PRKN: variants seen among roughly 807,000 people sequenced by gnomAD.
PRKN encodes the protein E3 ubiquitin-protein ligase parkin.
Under a neutral mutation model 59.5 loss-of-function variants are expected in PRKN, and 56 were observed. The ratio of observed to expected loss-of-function variants is 0.94; its 90% confidence interval spans 0.76 to 1.18. PRKN has a LOEUF of 1.18. Among genes scored for constraint, PRKN ranks in the 50% most tolerant of loss-of-function variants. The probability of loss-of-function intolerance (pLI) is 0.00; values close to 1 mark genes in which losing one functional copy is unlikely to be tolerated. For missense variants in PRKN, 657 were observed against 596.4 expected, an observed-to-expected ratio of 1.10 and a Z score of -1.06; for synonymous variants, 250 against 222.1, an observed-to-expected ratio of 1.13 and a Z score of -1.12.
intron 2 of PRKN, among the ~76,000 whole-genome samples, chr6:162,313,344 C>T (rs1422309175): frequency 6.6e-6 from 1 of 152,118 alleles, no homozygotes; most frequent in Non-Finnish European, 1.5e-5. Context: ...CTAGGTAGTT[C>T]ACAGAGTATT....
intron 2 of PRKN, among the ~76,000 whole-genome samples, chr6:162,442,154 A>T (rs1302740636): frequency 6.6e-6 from 1 of 152,210 alleles, no homozygotes; most frequent in African/African-American, 2.4e-5. Context: ...TGACAGGAAC[A>T]ATTTGCATTT....
intron 9 of PRKN, among the ~76,000 whole-genome samples, chr6:161,506,402 C>T (rs1457299292): frequency 6.6e-6 from 1 of 152,108 alleles, no homozygotes; most frequent in African/African-American, 2.4e-5. Context: ...GCTGAAGTTG[C>T]TTATCAGCTT....
chr6:161,634,042 C>T (rs1242417570), intron 7 of PRKN, among the ~76,000 whole-genome samples: 1 of 129,582 alleles, frequency 7.7e-6, no homozygotes, highest in Non-Finnish European at 1.6e-5. Flanking sequence ...ACACACATCC[C>T]CCACCCCCTA....
intron 2 of PRKN, among the ~76,000 whole-genome samples, chr6:162,355,403 C>CTA: frequency 6.6e-6 from 1 of 151,670 alleles, no homozygotes; most frequent in South Asian, 2.1e-4. Flanking sequence ...ATCTATCTAT[C>CTA]TATCTATATA....
chr6:161,810,354 C>G (rs1402171259), intron 6 of PRKN, among the ~76,000 whole-genome samples: 1 of 152,186 alleles, frequency 6.6e-6, no homozygotes, highest in South Asian at 2.1e-4. Flanking sequence ...GCCACCTGGT[C>G]TGTAGTAGGC....
At chr6:161,899,289 T>C (rs1272802454) in intron 6 of PRKN, among the ~76,000 whole-genome samples, 2 of 152,212 alleles carry the variant, frequency 1.3e-5, no homozygotes, top group African/African-American at 4.8e-5. Context: ...CCGATGAGAA[T>C]TACAAAATGT....
At chr6:162,112,048 G>T (rs1454679351) in intron 4 of PRKN, among the ~76,000 whole-genome samples, 1 of 152,200 alleles carries the variant, frequency 6.6e-6, no homozygotes, top group Non-Finnish European at 1.5e-5. Context: ...TGATTTTTAA[G>T]CCAAATTGTT....
chr6:162,647,972 A>AAAAAAAAAAAAAAAAAAAAAAG (rs1778259050), intron 1 of PRKN, among the ~76,000 whole-genome samples: 1 of 142,978 alleles, frequency 7.0e-6, no homozygotes, highest in African/African-American at 2.5e-5. Flanking sequence ...AAAAAAAAAA[A>AAAAAAAAAAAAAAAAAAAAAAG]AAAAAGTCTA....
chr6:162,245,248 G>T (rs1779150544), intron 3 of PRKN, among the ~76,000 whole-genome samples: 1 of 152,026 alleles, frequency 6.6e-6, no homozygotes, highest in Non-Finnish European at 1.5e-5. Flanking sequence ...GAAATACAAA[G>T]AATTTCTGTC....
Position 162,651,317 on chromosome 6 carries a change from T to C in PRKN, c.7+76345A>G, listed in dbSNP as rs1198515785. ...CTTCATCGATGTTCCCTTTGCATGA[T>C]CACACATACACACGTGCACACCGTA... On this transcript the variant is annotated intron_variant, in intron 1 of 11. Coordinates refer to ENST00000366898, the MANE Select transcript of PRKN (RefSeq NM_004562.3). Among the ~76,000 whole-genome samples, 4 of 152,170 alleles carry C rather than the reference T, an allele frequency of 2.6e-5. 1 individual carries two copies. Among genetic ancestry groups the C allele is most frequent in the South Asian group, 4.1e-4 (2 of 4,826 alleles).
At chr6:162,710,017 C>A (rs1030895209) in intron 1 of PRKN, among the ~76,000 whole-genome samples, 1 of 152,048 alleles carries the variant, frequency 6.6e-6, no homozygotes, top group Non-Finnish European at 1.5e-5. Flanking sequence ...TTCTCCTCCA[C>A]GGGTTGGGGT....
intron 2 of PRKN, among the ~76,000 whole-genome samples, chr6:162,312,427 T>C (rs1388400778): frequency 6.6e-6 from 1 of 152,168 alleles, no homozygotes; most frequent in Non-Finnish European, 1.5e-5. Flanking sequence ...TGTTGCCCCA[T>C]CTGACTTTAC....
In PRKN at chr6:161,462,825, T is replaced by C. The variant is rs1790284658; in HGVS notation, c.1084-75948A>G. Reference sequence around the variant, plus strand: ...AAATTGGCATACTTTAAATAATCCATGATTTTTTTGTTCTAAACTGGCTTA... The same window carrying C: ...AAATTGGCATACTTTAAATAATCCACGATTTTTTTGTTCTAAACTGGCTTA... On this transcript the variant is annotated intron_variant, in intron 9 of 11. Transcript: ENST00000366898. The surrounding 1 kb of genome is among the most constrained non-coding windows in gnomAD (Gnocchi z 4.5). Among the ~76,000 whole-genome samples the C allele has an allele frequency of 2.0e-5, 3 of 152,190 alleles. No homozygotes were observed. In the South Asian group the frequency reaches 6.2e-4, roughly 32 times the overall value.
At chr6:161,820,085 T>C (rs1021225518) in intron 6 of PRKN, among the ~76,000 whole-genome samples, 4 of 152,120 alleles carry the variant, frequency 2.6e-5, no homozygotes, top group African/African-American at 9.7e-5. Flanking sequence ...CCTATCCCAG[T>C]AAATGCTTGA....
intron 1 of PRKN, among the ~76,000 whole-genome samples, chr6:162,672,495 T>C (rs1334786929): frequency 2.6e-5 from 4 of 152,208 alleles, no homozygotes; most frequent in Non-Finnish European, 4.4e-5. Flanking sequence ...TACAATGAAG[T>C]TGATATACTC....
intron 1 of PRKN, among the ~76,000 whole-genome samples, chr6:162,654,933 T>A (rs1778585776): frequency 6.6e-6 from 1 of 152,054 alleles, no homozygotes; most frequent in Admixed American, 6.6e-5. Context: ...CCAAACCATA[T>A]CATTTACTTA....
At chr6:161,515,356 TGA>T (rs1176078049) in intron 9 of PRKN, among the ~76,000 whole-genome samples, 1 of 152,154 alleles carries the variant, frequency 6.6e-6, no homozygotes, top group Non-Finnish European at 1.5e-5. Context: ...GGATTTCTTG[TGA>T]GTTTTTATCC....
chr6:161,573,755 A>AATATATATATATATATAT (rs1225362601), intron 7 of PRKN, among the ~76,000 whole-genome samples: 26 of 30,304 alleles, frequency 8.6e-4, no homozygotes, highest in South Asian at 2.4e-3. Context: ...AAAAAAAAAA[A>AATATATATATATATATAT]ATATATATAT....
intron 1 of PRKN, among the ~76,000 whole-genome samples, chr6:162,556,033 G>A (rs956125386): frequency 2.7e-5 from 4 of 147,496 alleles, no homozygotes; most frequent in Non-Finnish European, 4.5e-5. Context: ...ACTTGATTGA[G>A]TGAGAAGGAA....
Sources: gnomAD v4.1 joint callset for allele counts (sites outside exome capture counted in the v4.1 genomes callset) on GRCh38, gnomAD v4.1.1 for gene constraint, Gnocchi (gnomAD v3.1) non-coding constraint, MANE v1.5 for transcripts, NCBI Gene and HGNC (gene_info 2026-07-23, HGNC 2026-07-21) for gene names.